The following ZNF462 variants were observed in gnomAD, a reference collection of about 807,000 sequenced individuals.
ZNF462 encodes the protein zinc finger PBX1-interacting protein.
Under a neutral mutation model 201.9 loss-of-function variants are expected in ZNF462, and 10 were observed. The ratio of observed to expected loss-of-function variants is 0.05; its 90% CI spans 0.03 to 0.08. The LOEUF is 0.08. Among genes scored for constraint, ZNF462 ranks in the 10% least tolerant of loss-of-function variants. ZNF462 has a pLI of 1.00. For missense variants in ZNF462, 2,523 were observed against 3,168.3 expected (o/e 0.80, Z 4.89); for synonymous variants, 1,227 against 1,193.3 (o/e 1.03, Z -0.58).
Position 106,870,871 on chromosome 9 carries a change from A to T in ZNF462, c.-31+7516A>T, listed in dbSNP as rs1182666786. ...AAGTTCTCGTCTGAGCAGTTGAACC[A>T]GAACACACGCTAAGGCCTCCAAATT... On this transcript the variant is annotated intron_variant, in intron 1 of 12. Transcript: ENST00000277225. The surrounding 1 kb of genome is among the most constrained non-coding windows in gnomAD (Gnocchi z 4.3). Among the ~76,000 whole-genome samples, 3 of 152,200 alleles carry T rather than the reference A, an allele frequency of 2.0e-5. No individual in the cohort carries two copies. The highest frequency in any genetic ancestry group is 7.2e-5 in the African/African-American group (3 of 41,454).
Position 107,013,400 on chromosome 9 carries a change from CA to C in ZNF462, c.*2371del, listed in dbSNP as rs1409694016. ...GTTGTTGTTTAATTTATACAGAGGACATTTTTTTCAGAGCTTGAGAGAAGAA... is the reference window on the plus strand; with the variant it reads ...GTTGTTGTTTAATTTATACAGAGGACTTTTTTTCAGAGCTTGAGAGAAGAA... On this transcript the variant is annotated 3_prime_UTR_variant, in exon 13 of 13. Transcript: ENST00000277225. 1.3e-5 allele frequency: 2 copies of C among 152,058 alleles called. No homozygotes were observed. Among genetic ancestry groups the C allele is most frequent in the African/African-American group, 4.8e-5 (2 of 41,442 alleles). 9.4% of individuals were successfully genotyped at this position (152,058 alleles called of 1,614,324 possible).
Position 106,929,143 on chromosome 9 carries a change from T to C in ZNF462, c.5231T>C (p.Ile1744Thr). The C allele has an allele frequency of 6.2e-7, 1 of 1,614,046 alleles. No individual in the cohort carries two copies. Among genetic ancestry groups the C allele is most frequent in the South Asian group, 1.1e-5 (1 of 91,082 alleles). ...RTISDKPNKV[I>T]IPSPPKDDSP... ...ATCAGCGACAAGCCCAACAAAGTGA[T>C]CATCCCATCCCCGCCCAAGGACGAC... The change falls in exon 3 of 13, where the codon ATC becomes ACC. Residue 1744 changes from isoleucine to threonine, a missense_variant. By Grantham distance (89) the Ile-to-Thr change is moderately conservative. Coordinates refer to ENST00000277225, the MANE Select transcript of ZNF462 (RefSeq NM_021224.6). This position sits in a 1 kb window ranked among gnomAD's most constrained non-coding sequence, Gnocchi z 8.7.
At chr9:106,873,070 C>T (rs1020278864) in intron 1 of ZNF462, among the ~76,000 whole-genome samples, 3 of 152,084 alleles carry the variant, frequency 2.0e-5, no homozygotes, top group South Asian at 2.1e-4. Context: ...TGATGGGACC[C>T]GGCCTTGGTT....
At chr9:106,893,837 A>G (rs1218102677) in intron 1 of ZNF462, among the ~76,000 whole-genome samples, 1 of 152,198 alleles carries the variant, frequency 6.6e-6, no homozygotes. Context: ...CACTTGTACT[A>G]CGTGGTAGGT....
chr9:106,924,085 A>G lies in ZNF462; in HGVS notation c.221-48A>G. The G allele has an allele frequency of 1.4e-6, 2 of 1,457,912 alleles. No individual in the cohort carries two copies. Among genetic ancestry groups the G allele is most frequent in the Non-Finnish European group, 9.3e-7 (1 of 1,073,720 alleles). The allele number at this position is 1,457,912 out of a possible 1,614,324, so 90.3% of individuals were successfully genotyped here. A position where few individuals can be genotyped will look rare whatever the true frequency, so the allele number is the denominator to read the frequency against. On this transcript the variant is annotated intron_variant, in intron 2 of 12. Coordinates refer to ENST00000277225, the MANE Select transcript of ZNF462 (RefSeq NM_021224.6). This position sits in a 1 kb window ranked among gnomAD's most constrained non-coding sequence, Gnocchi z 6.2. Reference sequence around the variant, plus strand: ...ATGGTACTGATTTGCATGATTGGATATTTTAATTATCTTTTGCTTTGTCAC... The same window carrying G: ...ATGGTACTGATTTGCATGATTGGATGTTTTAATTATCTTTTGCTTTGTCAC...
rs372111907 is a variant in ZNF462 at position 107,005,936 on chromosome 9, G to A, written c.7189+2510G>A. 1.6e-4 allele frequency among the ~76,000 whole-genome samples: 24 copies of A among 152,286 alleles called. 2 individuals carry two copies. In the East Asian group the frequency reaches 3.5e-3, roughly 22 times the overall value. On this transcript the variant is annotated intron_variant, in intron 11 of 12. Transcript: ENST00000277225. This position sits in a 1 kb window ranked among gnomAD's most constrained non-coding sequence, Gnocchi z 4.4. ...CTGTTCCAATACCATTTATTGAAGAGACTGCCCTTTCCCCATTATGTGTTC... is the reference window on the plus strand; with the variant it reads ...CTGTTCCAATACCATTTATTGAAGAAACTGCCCTTTCCCCATTATGTGTTC...
chr9:106,953,551 CCT>C (rs1349535474), intron 7 of ZNF462, among the ~76,000 whole-genome samples: 1 of 152,138 alleles, frequency 6.6e-6, no homozygotes, highest in Non-Finnish European at 1.5e-5. Context: ...TCTCCTCCAG[CCT>C]CTCTGATCAT....
intron 7 of ZNF462, among the ~76,000 whole-genome samples, chr9:106,960,594 A>T (rs1320064240): frequency 6.6e-6 from 1 of 152,134 alleles, no homozygotes; most frequent in African/African-American, 2.4e-5. Flanking sequence ...TGAATTATGC[A>T]TTCGGTATTG....
chr9:106,893,253 C>T (rs1042988034), intron 1 of ZNF462, among the ~76,000 whole-genome samples: 1 of 152,186 alleles, frequency 6.6e-6, no homozygotes, highest in African/African-American at 2.4e-5. Flanking sequence ...GAGACCCAAA[C>T]CTTGTCTTCT....
At chr9:106,994,098 G>A (rs933364995) in intron 10 of ZNF462, among the ~76,000 whole-genome samples, 31 of 152,054 alleles carry the variant, frequency 2.0e-4, no homozygotes, top group African/African-American at 5.6e-4. Flanking sequence ...AACTTGGTCC[G>A]CTCGTAAAAT....
Position 106,929,847 on chromosome 9 carries a change from G to C in ZNF462, c.5847+88G>C, listed in dbSNP as rs1830352787. On this transcript the variant is annotated intron_variant, in intron 3 of 12. Transcript: ENST00000277225. This position sits in a 1 kb window ranked among gnomAD's most constrained non-coding sequence, Gnocchi z 8.7. The stretch of plus-strand genomic sequence containing the variant: ...CTTCTTCGTTGCCAGCCAAACTGCT[G>C]CAGGCTTCCTAGTGACTTAGCTTGC... 1 of 1,239,410 alleles carries C rather than the reference G, an allele frequency of 8.1e-7. No individual in the cohort carries two copies. The highest frequency in any genetic ancestry group is 1.5e-5 in the African/African-American group (1 of 65,474). 76.8% of individuals were successfully genotyped at this position (1,239,410 alleles called of 1,614,324 possible).
intron 1 of ZNF462, among the ~76,000 whole-genome samples, chr9:106,901,632 C>T (rs1829068727): frequency 6.6e-6 from 1 of 151,972 alleles, no homozygotes; most frequent in African/African-American, 2.4e-5. Context: ...GGTGTTTTGC[C>T]TCCTTGGTTA....
rs959161719 is a variant in ZNF462, at chr9:106,917,115, C to T, written c.-30-6239C>T. 1.3e-5 allele frequency among the ~76,000 whole-genome samples: 2 copies of T among 152,210 alleles called. No homozygotes were observed. Among genetic ancestry groups the T allele is most frequent in the African/African-American group, 4.8e-5 (2 of 41,458 alleles). Reference sequence around the variant, plus strand: ...GAATTCTCCAGAAGGTATGTAGTATCTCTTTCTGTATGAGACACTTACTAC... The same window carrying T: ...GAATTCTCCAGAAGGTATGTAGTATTTCTTTCTGTATGAGACACTTACTAC... On this transcript the variant is annotated intron_variant, in intron 1 of 12. Coordinates refer to ENST00000277225, the MANE Select transcript of ZNF462 (RefSeq NM_021224.6). The surrounding 1 kb of genome is among the most constrained non-coding windows in gnomAD (Gnocchi z 4.5).
intron 7 of ZNF462, among the ~76,000 whole-genome samples, chr9:106,955,114 T>A (rs1019312983): frequency 2.6e-5 from 4 of 152,166 alleles, no homozygotes; most frequent in African/African-American, 9.7e-5. Context: ...CTCATCTTAG[T>A]GTGTGTTGCT....
chr9:106,956,477 A>G (rs1831579324), intron 7 of ZNF462, among the ~76,000 whole-genome samples: 1 of 152,106 alleles, frequency 6.6e-6, no homozygotes, highest in Admixed American at 6.6e-5. Flanking sequence ...ATTTTAAAGG[A>G]TTTTTTGAAT....
intron 1 of ZNF462, among the ~76,000 whole-genome samples, chr9:106,877,273 C>T (rs1338698523): frequency 7.0e-6 from 1 of 143,070 alleles, no homozygotes; most frequent in Non-Finnish European, 1.5e-5. Flanking sequence ...TGATTTTTCA[C>T]CTGTACAAGC....
At chr9:106,868,904 C>T (rs550204257) in intron 1 of ZNF462, among the ~76,000 whole-genome samples, 12 of 152,284 alleles carry the variant, frequency 7.9e-5, no homozygotes, top group South Asian at 2.1e-4. Flanking sequence ...GGATTTAACA[C>T]GTTGGGGAGC....
At position 107,011,104 on chromosome 9, in the gene ZNF462, A is replaced by G. The variant is rs567490290; in HGVS notation, c.*74A>G. The G allele has an allele frequency of 6.8e-6, 10 of 1,474,198 alleles. No homozygotes were observed. The East Asian group carries it at 2.3e-4, about 34-fold the overall frequency. 91.3% of individuals were successfully genotyped at this position (1,474,198 alleles called of 1,614,324 possible). ...AGTGGGAGGGCTGGCTTGGGCTGAGAAGGGAGGGACAGAAAAGAGAAGACA... is the reference window on the plus strand; with the variant it reads ...AGTGGGAGGGCTGGCTTGGGCTGAGGAGGGAGGGACAGAAAAGAGAAGACA... On this transcript the variant is annotated 3_prime_UTR_variant, in exon 13 of 13. Coordinates refer to ENST00000277225, the MANE Select transcript of ZNF462 (RefSeq NM_021224.6). This position sits in a 1 kb window ranked among gnomAD's most constrained non-coding sequence, Gnocchi z 5.6.
rs770961408 is a variant in ZNF462, at chr9:106,928,026, A to G, written c.4114A>G (p.Arg1372Gly). ...MPAEAKTYRC[R>G]DCVFEAVSIW... ...AGCCGAAGCCAAAACCTACAGATGC[A>G]GGGACTGTGTTTTCGAAGCTGTTTC... The change falls in exon 3 of 13, where the codon AGG (arginine) becomes GGG (glycine). Residue 1372 changes from arginine (R) to glycine (G), a missense_variant. Physicochemically the swap from Arg to Gly is moderately radical, Grantham distance 125. Transcript: ENST00000277225. The surrounding 1 kb of genome is among the most constrained non-coding windows in gnomAD (Gnocchi z 9.3). 1.2e-6 allele frequency: 2 copies of G among 1,614,164 alleles called. No individual in the cohort carries two copies. Among genetic ancestry groups the G allele is most frequent in the Admixed American group, 3.3e-5 (2 of 60,018 alleles).
Sources: allele counts gnomAD v4.1 joint callset (sites outside exome capture counted in the v4.1 genomes callset), GRCh38; gene constraint gnomAD v4.1.1; non-coding constraint Gnocchi (gnomAD v3.1); transcripts MANE v1.5; gene names NCBI Gene and HGNC (gene_info 2026-07-23, HGNC 2026-07-21).